The following TNPO3 variants were observed in gnomAD, a reference collection of about 807,000 sequenced individuals.
TNPO3 encodes transportin-3.
Under a neutral mutation model 122.8 loss-of-function variants are expected in TNPO3, and 65 were observed. The observed-to-expected ratio is 0.53, with a 90% CI of 0.43 to 0.65. The LOEUF (loss-of-function observed/expected upper bound fraction) is 0.65, where lower values mean the gene tolerates loss of function less well. TNPO3 is among the 30% of genes least tolerant of loss of function. The pLI, the probability that TNPO3 is intolerant of heterozygous loss-of-function variation, is 0.00. For synonymous variants in TNPO3, 372 were observed against 411.2 expected, an observed-to-expected ratio of 0.90 and a Z score of 1.15; for missense variants, 850 against 1,136.7, an observed-to-expected ratio of 0.75 and a Z score of 3.63.
intron 19 of TNPO3, among the ~76,000 whole-genome samples, chr7:128,971,809 C>A (rs1193356878): frequency 6.6e-6 from 1 of 152,144 alleles, no homozygotes; most frequent in Non-Finnish European, 1.5e-5. Flanking sequence ...TCATTTAAAT[C>A]CCTCCCCTTC....
At chr7:129,031,005 C>T (rs750804406) in intron 1 of TNPO3, among the ~76,000 whole-genome samples, 7 of 152,146 alleles carry the variant, frequency 4.6e-5, no homozygotes, top group Non-Finnish European at 7.3e-5. Context: ...AAGAGAGAGC[C>T]GGGTGCAGTG....
intron 8 of TNPO3, among the ~76,000 whole-genome samples, chr7:128,995,848 G>A (rs1423301781): frequency 6.6e-6 from 1 of 152,166 alleles, no homozygotes; most frequent in Non-Finnish European, 1.5e-5. Flanking sequence ...ACAGGAACCT[G>A]CCACCATGCC....
intron 8 of TNPO3, among the ~76,000 whole-genome samples, chr7:128,995,753 C>T (rs1331845640): frequency 5.3e-5 from 8 of 152,178 alleles, no homozygotes; most frequent in Admixed American, 2.0e-4. Flanking sequence ...GGCTGGAGTG[C>T]AGTGGCGCAA....
intron 5 of TNPO3, among the ~76,000 whole-genome samples, chr7:129,001,730 T>C (rs1421488463): frequency 6.6e-6 from 1 of 152,224 alleles, no homozygotes; most frequent in African/African-American, 2.4e-5. Flanking sequence ...CATCCATCAA[T>C]CTTCCCAATC....
chr7:129,001,015 G>A, intron 6 of TNPO3, 44 bp downstream of exon 6: 2 of 1,593,386 alleles, frequency 1.3e-6, no homozygotes, highest in Non-Finnish European at 1.7e-6. Flanking sequence ...AGAATGACCA[G>A]ACTGTAGGTA....
intron 12 of TNPO3, among the ~76,000 whole-genome samples, chr7:128,985,791 C>T (rs1236693481): frequency 6.6e-6 from 1 of 151,958 alleles, no homozygotes; most frequent in Non-Finnish European, 1.5e-5. Flanking sequence ...ACCCAAGGTA[C>T]AAAAAGAAAA....
Position 129,035,201 on chromosome 7 carries a change from G to A in TNPO3, c.121-17044C>T, listed in dbSNP as rs530995212. On this transcript the variant is annotated intron_variant, in intron 1 of 22. Transcript: ENST00000265388. ...AGGCAGGAGAATGGCGTGAACCCGG[G>A]AGGTGGAGCTTGCAGTGAGCCGAGA... Among the ~76,000 whole-genome samples the A allele has an allele frequency of 3.9e-5, 6 of 152,302 alleles. No homozygotes were observed. The East Asian group carries it at 5.8e-4, about 15-fold the overall frequency.
In TNPO3 at chr7:129,033,175, A is replaced by T. The variant is rs1464094926; in HGVS notation, c.121-15018T>A. Among the ~76,000 whole-genome samples the T allele has an allele frequency of 3.3e-5, 5 of 152,366 alleles. No individual in the cohort carries two copies. The East Asian group carries it at 9.6e-4, about 29-fold the overall frequency. On this transcript the variant is annotated intron_variant, in intron 1 of 22. Transcript: ENST00000265388. The stretch of plus-strand genomic sequence containing the variant: ...TGAAAGTTAACTCAAAAAGGACTAA[A>T]GACCTAAACGTAAGACCTGAAACTA...
At chr7:128,988,223 G>A (rs540187531) in intron 11 of TNPO3, among the ~76,000 whole-genome samples, 4 of 150,898 alleles carry the variant, frequency 2.7e-5, no homozygotes, top group Admixed American at 6.6e-5. Flanking sequence ...TGATCCTCTC[G>A]CCTCAGCCTC....
intron 1 of TNPO3, among the ~76,000 whole-genome samples, chr7:129,041,338 G>C (rs1471409648): frequency 6.6e-6 from 1 of 152,140 alleles, no homozygotes; most frequent in East Asian, 1.9e-4. Flanking sequence ...CTCCAGCCTG[G>C]GTGACAGAGT....
intron 1 of TNPO3, among the ~76,000 whole-genome samples, chr7:129,033,110 T>C (rs1479586858): frequency 2.0e-5 from 3 of 152,076 alleles, no homozygotes; most frequent in Non-Finnish European, 4.4e-5. Context: ...AACTGAATAT[T>C]CACCTGAAAA....
chr7:128,987,806 T>TG (rs1426348751), intron 11 of TNPO3, among the ~76,000 whole-genome samples: 1 of 152,060 alleles, frequency 6.6e-6, no homozygotes, highest in East Asian at 1.9e-4. Flanking sequence ...CTCAAACTCC[T>TG]GGCCTCAAGT....
intron 1 of TNPO3, among the ~76,000 whole-genome samples, chr7:129,043,995 T>A (rs1807716585): frequency 1.3e-5 from 2 of 152,248 alleles, no homozygotes. Context: ...AGAATTCTAT[T>A]GTACATACAA....
chr7:129,012,778 C>G (rs1056792721), intron 4 of TNPO3, among the ~76,000 whole-genome samples: 3 of 152,070 alleles, frequency 2.0e-5, no homozygotes, highest in African/African-American at 7.2e-5. Flanking sequence ...CTATAAAGAA[C>G]CAGATAAACC....
At position 129,027,079 on chromosome 7, in the gene TNPO3, G is replaced by A. The variant is rs563636081; in HGVS notation, c.121-8922C>T. On this transcript the variant is annotated intron_variant, in intron 1 of 22. Coordinates refer to ENST00000265388, the MANE Select transcript of TNPO3 (RefSeq NM_012470.4). ...AGGCACGAACAATCACACCTGGCCT[G>A]TAAGATTTTTTTCTGTAAAATTTGT... 1.1e-4 allele frequency among the ~76,000 whole-genome samples: 16 copies of A among 152,276 alleles called. No homozygotes were observed. In the East Asian group the frequency reaches 3.1e-3, roughly 29 times the overall value.
At chr7:129,005,200 A>G (rs1420725393) in intron 4 of TNPO3, 41 bp from the exon 5 acceptor site, 1 of 1,547,046 alleles carries the variant, frequency 6.5e-7, no homozygotes, top group Non-Finnish European at 8.8e-7. Flanking sequence ...ATGTTAATCT[A>G]TATATTTAAA....
chr7:129,024,014 C>T (rs998420273), intron 1 of TNPO3, among the ~76,000 whole-genome samples: 1 of 152,176 alleles, frequency 6.6e-6, no homozygotes, highest in Non-Finnish European at 1.5e-5. Flanking sequence ...GAATATAATG[C>T]TAATCCTACA....
intron 19 of TNPO3, 93 bp downstream of exon 19, chr7:128,972,333 G>A: frequency 1.4e-6 from 2 of 1,389,654 alleles, no homozygotes; most frequent in Non-Finnish European, 2.0e-6. Flanking sequence ...GATCAAGTAA[G>A]GAAATACTGG....
At chr7:129,009,306 A>C (rs543519091) in intron 4 of TNPO3, among the ~76,000 whole-genome samples, 2 of 152,380 alleles carry the variant, frequency 1.3e-5, no homozygotes, top group Non-Finnish European at 2.9e-5. Flanking sequence ...CCACAAAAGT[A>C]TAATACTAAC....
Sources: gnomAD v4.1 joint callset for allele counts (sites outside exome capture counted in the v4.1 genomes callset) on GRCh38, gnomAD v4.1.1 for gene constraint, MANE v1.5 for transcripts, NCBI Gene and HGNC (gene_info 2026-07-23, HGNC 2026-07-21) for gene names.